The following SH3RF3 variants were observed in gnomAD, a reference collection of about 807,000 sequenced individuals.
SH3RF3 encodes E3 ubiquitin-protein ligase SH3RF3.
A neutral mutation model predicts 66.3 loss-of-function variants in SH3RF3; 29 were observed. The observed-to-expected ratio is 0.44, with a 90% CI of 0.33 to 0.60. The LOEUF (loss-of-function observed/expected upper bound fraction) is 0.60. SH3RF3 is among the 20% of genes least tolerant of loss of function. The pLI is 0.04. For missense variants in SH3RF3, 1,194 were observed against 1,190.9 expected (o/e 1.00, Z -0.04); for synonymous variants, 583 against 532.0 (o/e 1.10, Z -1.32).
Position 109,451,679 on chromosome 2 carries a change from C to A in SH3RF3, c.2148+2190C>A, listed in dbSNP as rs1573262808. 2.0e-5 allele frequency among the ~76,000 whole-genome samples: 3 copies of A among 152,232 alleles called. No homozygotes were observed. The South Asian group carries it at 6.2e-4, about 32-fold the overall frequency. On this transcript the variant is annotated intron_variant, in intron 8 of 9. Coordinates refer to ENST00000309415, the MANE Select transcript of SH3RF3 (RefSeq NM_001099289.3). ...TTTCGCTTTCTCTTAAGGTTTATGC[C>A]CTCTAACAGTTGTGCTATATCAGCA...
At chr2:109,480,167 T>C (rs769253088) in intron 8 of SH3RF3, among the ~76,000 whole-genome samples, 1 of 152,214 alleles carries the variant, frequency 6.6e-6, no homozygotes, top group Non-Finnish European at 1.5e-5. Context: ...AGACATCTGC[T>C]TTCAGAAAAG....
In SH3RF3 at chr2:109,173,254, C is replaced by T. The variant is rs1407714482; in HGVS notation, c.573+43141C>T. Among the ~76,000 whole-genome samples the T allele has an allele frequency of 2.0e-5, 3 of 152,270 alleles. No homozygotes were observed. The East Asian group carries it at 5.8e-4, about 29-fold the overall frequency. On this transcript the variant is annotated intron_variant, in intron 1 of 9. Coordinates refer to ENST00000309415, the MANE Select transcript of SH3RF3 (RefSeq NM_001099289.3). Reference sequence around the variant, plus strand: ...AGTTGAAAAGAACCTTAAGAATTGTCTGGCTCAGAACCTGGGATTGAGATG... The same window carrying T: ...AGTTGAAAAGAACCTTAAGAATTGTTTGGCTCAGAACCTGGGATTGAGATG...
At chr2:109,493,052 TCATA>T (rs1259842493) in intron 9 of SH3RF3, among the ~76,000 whole-genome samples, 1 of 150,236 alleles carries the variant, frequency 6.7e-6, no homozygotes, top group Non-Finnish European at 1.5e-5. Context: ...CCCACATACA[TCATA>T]CAAACACACA....
chr2:109,137,629 A>G (rs1676841819), intron 1 of SH3RF3, among the ~76,000 whole-genome samples: 1 of 152,234 alleles, frequency 6.6e-6, no homozygotes, highest in Non-Finnish European at 1.5e-5. Flanking sequence ...GGGTGACTGC[A>G]TTCCATTTGT....
Position 109,490,899 on chromosome 2 carries a change from G to A in SH3RF3, c.2443G>A (p.Ala815Thr). ...PSRQAPLSMA[A>T]IRPEPKLLPR... is the part of the protein sequence containing the mutation. ...CCGGCAAGCTCCGCTGTCCATGGCT[G>A]CCATCCGCCCCGAGCCCAAGCTGTT... Residue 815 changes from alanine to threonine, a missense_variant, in exon 9 of 10, where the codon GCC becomes ACC. By Grantham distance (58) the Ala-to-Thr change is moderately conservative (BLOSUM62 0). Transcript: ENST00000309415. 1 of 1,523,448 alleles carries A rather than the reference G, an allele frequency of 6.6e-7. No individual in the cohort carries two copies. The highest frequency in any genetic ancestry group is 8.8e-7 in the Non-Finnish European group (1 of 1,137,658). The allele number at this position is 1,523,448 out of a possible 1,614,324, so 94.4% of individuals were successfully genotyped here.
At chr2:109,261,779 A>G (rs758571815) in intron 1 of SH3RF3, among the ~76,000 whole-genome samples, 4 of 152,186 alleles carry the variant, frequency 2.6e-5, no homozygotes, top group Non-Finnish European at 4.4e-5. Context: ...GGATTTATAC[A>G]GTGTTTGGGA....
intron 9 of SH3RF3, among the ~76,000 whole-genome samples, chr2:109,496,997 G>A (rs1679276849): frequency 6.6e-6 from 1 of 152,164 alleles, no homozygotes; most frequent in Admixed American, 6.5e-5. Context: ...GCAGCTTCTA[G>A]CAACTGGAAA....
intron 7 of SH3RF3, among the ~76,000 whole-genome samples, chr2:109,437,431 C>G (rs1244987549): frequency 6.6e-6 from 1 of 152,098 alleles, no homozygotes; most frequent in Non-Finnish European, 1.5e-5. Context: ...TGTTACCCAT[C>G]CTGGCAGCTG....
At chr2:109,440,060 A>G (rs1200489111) in intron 7 of SH3RF3, among the ~76,000 whole-genome samples, 1 of 152,256 alleles carries the variant, frequency 6.6e-6, no homozygotes. Flanking sequence ...AAGGAGGTTC[A>G]GAGCAGAGGA....
At chr2:109,421,919 T>C (rs1676894113) in intron 5 of SH3RF3, among the ~76,000 whole-genome samples, 4 of 152,200 alleles carry the variant, frequency 2.6e-5, no homozygotes, top group Admixed American at 2.6e-4. Flanking sequence ...TACAGCAGTA[T>C]GCATGATGCA....
intron 1 of SH3RF3, among the ~76,000 whole-genome samples, chr2:109,150,911 C>A (rs758258332): frequency 2.6e-5 from 4 of 152,066 alleles, no homozygotes; most frequent in Non-Finnish European, 5.9e-5. Flanking sequence ...TATGGCTGAA[C>A]ATAAAGAGCA....
At chr2:109,384,428 G>A (rs947881618) in intron 3 of SH3RF3, among the ~76,000 whole-genome samples, 1 of 152,072 alleles carries the variant, frequency 6.6e-6, no homozygotes, top group Non-Finnish European at 1.5e-5. Flanking sequence ...CAGGGAGGGA[G>A]CAGGTCCAGG....
chr2:109,420,621 AT>A (rs1385267317), intron 5 of SH3RF3, among the ~76,000 whole-genome samples: 1 of 151,840 alleles, frequency 6.6e-6, no homozygotes, highest in Non-Finnish European at 1.5e-5. Context: ...AAATTTTTGT[AT>A]TTTTAGTAGA....
At chr2:109,214,640 G>A (rs1679067339) in intron 1 of SH3RF3, among the ~76,000 whole-genome samples, 1 of 152,068 alleles carries the variant, frequency 6.6e-6, no homozygotes, top group South Asian at 2.1e-4. Flanking sequence ...CTGGAAGAAC[G>A]TCTCTGCCTG....
At chr2:109,290,023 C>G (rs928022945) in intron 1 of SH3RF3, among the ~76,000 whole-genome samples, 1 of 152,116 alleles carries the variant, frequency 6.6e-6, no homozygotes, top group South Asian at 2.1e-4. Context: ...ATGCAGATTC[C>G]GATTCTATAG....
chr2:109,182,425 G>A (rs921917543), intron 1 of SH3RF3, among the ~76,000 whole-genome samples: 5 of 152,174 alleles, frequency 3.3e-5, no homozygotes, highest in Non-Finnish European at 4.4e-5. Context: ...CTCTGCATTA[G>A]GGATCAAATT....
intron 1 of SH3RF3, among the ~76,000 whole-genome samples, chr2:109,170,244 T>TTCTCTTCTCTTCTC (rs1677733451): frequency 3.9e-4 from 13 of 32,988 alleles, no homozygotes; most frequent in East Asian, 8.9e-4. Context: ...CTTCTTTTCT[T>TTCTCTTCTCTTCTC]TTCTCTTCTC....
intron 1 of SH3RF3, among the ~76,000 whole-genome samples, chr2:109,270,207 G>A (rs890525778): frequency 6.6e-6 from 1 of 152,192 alleles, no homozygotes; most frequent in African/African-American, 2.4e-5. Flanking sequence ...CATGTGGCCT[G>A]TCACAAGGAA....
At chr2:109,254,494 C>T (rs960541094) in intron 1 of SH3RF3, among the ~76,000 whole-genome samples, 3 of 152,186 alleles carry the variant, frequency 2.0e-5, no homozygotes, top group South Asian at 2.1e-4. Context: ...TTACCAGCCT[C>T]GTTCAGCTTT....
Sources: allele counts gnomAD v4.1 joint callset (sites outside exome capture counted in the v4.1 genomes callset), GRCh38; gene constraint gnomAD v4.1.1; transcripts MANE v1.5; gene names NCBI Gene and HGNC (gene_info 2026-07-23, HGNC 2026-07-21).